PFKFB3: variants seen among roughly 807,000 people sequenced by gnomAD.
PFKFB3 encodes the protein 6-phosphofructo-2-kinase/fructose-2,6-bisphosphatase 3.
PFKFB3 carries 33 observed loss-of-function variants against 68.0 expected under a neutral mutation model. That is an observed-to-expected ratio of 0.49 (90% CI 0.37 to 0.65). The LOEUF is 0.65. Ranked by LOEUF, PFKFB3 falls within the 30% of genes least tolerant of loss-of-function variation. The probability of loss-of-function intolerance (pLI) is 0.00; values close to 1 mark genes in which losing one functional copy is unlikely to be tolerated. For missense variants in PFKFB3, 586 were observed against 712.2 expected (o/e 0.82, Z 2.02); for synonymous variants, 315 against 288.2 (o/e 1.09, Z -0.94).
the PFKFB3 span, among the ~76,000 whole-genome samples, chr10:6,313,015 CT>C: frequency 6.6e-6 from 1 of 152,230 alleles, no homozygotes; most frequent in Non-Finnish European, 1.5e-5. This position sits in a 1 kb window ranked among gnomAD's most constrained non-coding sequence, Gnocchi z 4.2. Flanking sequence ...ACTGGTGAAA[CT>C]GTATGAACTG....
At chr10:6,204,336 T>G (rs770884116) in intron 1 of PFKFB3, among the ~76,000 whole-genome samples, 2 of 152,242 alleles carry the variant, frequency 1.3e-5, no homozygotes, top group Non-Finnish European at 2.9e-5. Flanking sequence ...GACCGTGGGA[T>G]CCAGGTGCAA....
intron 1 of PFKFB3, among the ~76,000 whole-genome samples, chr10:6,210,356 G>GTTTTTTTTTTTTTT (rs762723368): frequency 2.2e-5 from 1 of 44,486 alleles, no homozygotes; most frequent in African/African-American, 4.6e-5. Flanking sequence ...GTTTTTTTTT[G>GTTTTTTTTTTTTTT]TTTTTTTGTT....
the PFKFB3 span, among the ~76,000 whole-genome samples, chr10:6,279,412 G>C: frequency 6.6e-6 from 1 of 152,136 alleles, no homozygotes; most frequent in East Asian, 1.9e-4. Context: ...CCTTGGGAAA[G>C]GGCATCTGCT....
chr10:6,225,410 G>A (rs1845274886), intron 13 of PFKFB3, among the ~76,000 whole-genome samples: 1 of 152,180 alleles, frequency 6.6e-6, no homozygotes, highest in Non-Finnish European at 1.5e-5. Flanking sequence ...TTCGGAATGT[G>A]GGTCACCGGA....
the PFKFB3 span, among the ~76,000 whole-genome samples, chr10:6,319,528 G>A: frequency 2.0e-5 from 3 of 152,138 alleles, no homozygotes; most frequent in Non-Finnish European, 4.4e-5. Flanking sequence ...GGTGAGGGAT[G>A]AGAAATTATC....
chr10:6,216,639 T>C, intron 4 of PFKFB3, 67 bp from the exon 5 acceptor site: 1 of 1,095,328 alleles, frequency 9.1e-7, no homozygotes, highest in Non-Finnish European at 1.4e-6. Context: ...GCATCTTTGC[T>C]GTTCTGGTAA....
chr10:6,201,136 C>G (rs567326061), upstream of PFKFB3, among the ~76,000 whole-genome samples: 4 of 152,044 alleles, frequency 2.6e-5, no homozygotes, highest in Admixed American at 2.0e-4. This position sits in a 1 kb window ranked among gnomAD's most constrained non-coding sequence, Gnocchi z 4.1. Flanking sequence ...CGCGCGCAGC[C>G]TACAGCCCTC....
chr10:6,223,683 A>G (rs1209724726), intron 11 of PFKFB3, among the ~76,000 whole-genome samples: 1 of 152,096 alleles, frequency 6.6e-6, no homozygotes, highest in African/African-American at 2.4e-5. Flanking sequence ...AGTGCAATGC[A>G]TGCACTCACT....
intron 14 of PFKFB3, chr10:6,231,419 C>T (rs983975669): frequency 7.7e-6 from 12 of 1,567,378 alleles, no homozygotes; most frequent in Admixed American, 1.8e-5. Context: ...GTCTCCATGC[C>T]GAGGTTGTTA....
At chr10:6,309,561 G>A in the PFKFB3 span, among the ~76,000 whole-genome samples, 1 of 152,212 alleles carries the variant, frequency 6.6e-6, no homozygotes, top group Non-Finnish European at 1.5e-5. Context: ...GGTGGAGGTT[G>A]CAGTGAGCTG....
At position 6,217,159 on chromosome 10, in the gene PFKFB3, G is replaced by T; in HGVS notation, c.466G>T (p.Asp156Tyr). 6.2e-7 allele frequency: 1 copy of T among 1,614,160 alleles called. No homozygotes were observed. Among genetic ancestry groups the T allele is most frequent in the Non-Finnish European group, 8.5e-7 (1 of 1,179,996 alleles). Residue 156 changes from aspartate (D) to tyrosine (Y), a missense_variant, in exon 6 of 15, where the codon GAC becomes TAC. Asp to Tyr is a radical substitution (Grantham distance 160). Coordinates refer to ENST00000379775, the MANE Select transcript of PFKFB3 (RefSeq NM_004566.4). ...FKAFFIESVC[D>Y]DPTVVASNIM... The stretch of plus-strand genomic sequence containing the variant: ...GGCGTTTTTCATCGAGTCGGTGTGC[G>T]ACGACCCTACAGTTGTGGCCTCCAA...
At chr10:6,168,818 G>A (rs950699827) in intron 1 of PFKFB3, among the ~76,000 whole-genome samples, 2 of 152,202 alleles carry the variant, frequency 1.3e-5, no homozygotes, top group Non-Finnish European at 2.9e-5. Flanking sequence ...TGCGCGACAG[G>A]AGCGAGGCAG....
the PFKFB3 span, chr10:6,293,823 G>A: frequency 0.046 from 18,543 of 405,660 alleles, 555 homozygotes; most frequent in Non-Finnish European, 0.063. Context: ...CATTGATTTG[G>A]AGTACTTGGT....
At chr10:6,273,320 T>TC in the PFKFB3 span, among the ~76,000 whole-genome samples, 3 of 152,124 alleles carry the variant, frequency 2.0e-5, no homozygotes, top group Admixed American at 2.0e-4. Flanking sequence ...GCCTGGAGTT[T>TC]TCCCCGTTCC....
Position 6,215,337 on chromosome 10 carries a change from G to A in PFKFB3, c.299+20G>A, listed in dbSNP as rs776304510. On this transcript the variant is annotated intron_variant, in intron 3 of 14. Coordinates refer to ENST00000379775, the MANE Select transcript of PFKFB3 (RefSeq NM_004566.4). This position sits in a 1 kb window ranked among gnomAD's most constrained non-coding sequence, Gnocchi z 4.3. ...CCGGAAGTAAGGCTGGGCCGCGGGCGTAGGGCTGGGCTGTGGGAATAAGGC... is the reference window on the plus strand; with the variant it reads ...CCGGAAGTAAGGCTGGGCCGCGGGCATAGGGCTGGGCTGTGGGAATAAGGC... The A allele has an allele frequency of 3.2e-5, 50 of 1,582,654 alleles. No homozygotes were observed. The highest frequency in any genetic ancestry group is 8.9e-5 in the East Asian group (4 of 44,710).
chr10:6,282,472 C>T, the PFKFB3 span, among the ~76,000 whole-genome samples: 2 of 152,016 alleles, frequency 1.3e-5, no homozygotes, highest in Admixed American at 6.6e-5. Context: ...ATGATAGCAC[C>T]ACTGTAAATT....
rs574236062 is a variant in PFKFB3, at chr10:6,234,621, T to C, written c.*1679T>C. On this transcript the variant is annotated 3_prime_UTR_variant, in exon 15 of 15. Transcript: ENST00000379775. Reference sequence around the variant, plus strand: ...GCAGTTTTCTCTCTCTCCCTGGATGTTGAGTCTCATCAGAATATGTGGGTA... The same window carrying C: ...GCAGTTTTCTCTCTCTCCCTGGATGCTGAGTCTCATCAGAATATGTGGGTA... The C allele has an allele frequency of 2.6e-5, 4 of 152,380 alleles. No individual in the cohort carries two copies. The highest frequency in any genetic ancestry group is 9.6e-5 in the African/African-American group (4 of 41,548). The allele number at this position is 152,380 out of a possible 1,614,324, so 9.4% of individuals were successfully genotyped here. A position where few individuals can be genotyped will look rare whatever the true frequency, so the allele number is the denominator to read the frequency against.
the PFKFB3 span, among the ~76,000 whole-genome samples, chr10:6,296,618 G>A: frequency 2.9e-4 from 44 of 152,174 alleles, no homozygotes; most frequent in East Asian, 1.5e-3. Context: ...GGCAATTCTC[G>A]GAACAGAGGG....
At chr10:6,305,005 A>ATTTTTTTTTTTTTTTTTTTT in the PFKFB3 span, among the ~76,000 whole-genome samples, 5 of 14,526 alleles carry the variant, frequency 3.4e-4, 1 homozygote, top group African/African-American at 8.9e-4. Context: ...AATATTAGGA[A>ATTTTTTTTTTTTTTTTTTTT]TTTTTTTTTT....
Sources: gnomAD v4.1 joint callset for allele counts (sites outside exome capture counted in the v4.1 genomes callset) on GRCh38, gnomAD v4.1.1 for gene constraint, Gnocchi (gnomAD v3.1) non-coding constraint, MANE v1.5 for transcripts, NCBI Gene and HGNC (gene_info 2026-07-23, HGNC 2026-07-21) for gene names.